SIPA1L1: variants seen among roughly 807,000 people sequenced by gnomAD.
The protein encoded by SIPA1L1 is signal-induced proliferation-associated 1-like protein 1.
SIPA1L1 carries 26 observed loss-of-function variants against 162.7 expected under a neutral mutation model. That is an observed-to-expected ratio of 0.16 (90% CI 0.12 to 0.22). The LOEUF (loss-of-function observed/expected upper bound fraction) is 0.22. SIPA1L1 is among the 10% of genes least tolerant of loss of function. SIPA1L1 has a pLI of 1.00. For synonymous variants in SIPA1L1, 829 were observed against 837.4 expected (o/e 0.99, Z 0.17); for missense variants, 1,874 against 2,241.0 (o/e 0.84, Z 3.31).
chr14:71,430,411 A>C (rs1371693865), intron 2 of SIPA1L1, among the ~76,000 whole-genome samples: 1 of 152,196 alleles, frequency 6.6e-6, no homozygotes, highest in Non-Finnish European at 1.5e-5. Flanking sequence ...CTTTCTCCAC[A>C]ATAGTTACGT....
At chr14:71,484,683 A>G (rs1278016799) in intron 2 of SIPA1L1, among the ~76,000 whole-genome samples, 1 of 152,196 alleles carries the variant, frequency 6.6e-6, no homozygotes, top group Non-Finnish European at 1.5e-5. Context: ...CAGAAAACTG[A>G]TGTTTATGTA....
chr14:71,559,733 T>G (rs1276905285), intron 4 of SIPA1L1, among the ~76,000 whole-genome samples: 1 of 152,224 alleles, frequency 6.6e-6, no homozygotes, highest in East Asian at 1.9e-4. Context: ...TCTGCATTTT[T>G]TCTACGAAAT....
chr14:71,342,374 T>C (rs1364426705), intron 2 of SIPA1L1, among the ~76,000 whole-genome samples: 1 of 152,220 alleles, frequency 6.6e-6, no homozygotes, highest in East Asian at 1.9e-4. Flanking sequence ...AATGTAGCTC[T>C]GTTTTAAGCT....
At chr14:71,442,170 CTCAAAA>C (rs2044928155) in intron 2 of SIPA1L1, among the ~76,000 whole-genome samples, 1 of 76,488 alleles carries the variant, frequency 1.3e-5, no homozygotes, top group African/African-American at 6.9e-5. Flanking sequence ...AAGACTCTGT[CTCAAAA>C]AAAAAAAAAA....
chr14:71,357,394 T>TTGGTGGTAAGGCCGCC (rs1229496145), intron 2 of SIPA1L1, among the ~76,000 whole-genome samples: 1 of 152,164 alleles, frequency 6.6e-6, no homozygotes, highest in African/African-American at 2.4e-5. Context: ...GTATAACTGG[T>TTGGTGGTAAGGCCGCC]TGGTGGTAAG....
At chr14:71,562,435 T>G (rs2056869007) in intron 4 of SIPA1L1, among the ~76,000 whole-genome samples, 2 of 152,204 alleles carry the variant, frequency 1.3e-5, no homozygotes, top group Non-Finnish European at 2.9e-5. Context: ...TTTTTCATGT[T>G]TTAGTTATAT....
At chr14:71,322,585 T>A (rs751971441) in intron 2 of SIPA1L1, among the ~76,000 whole-genome samples, 6 of 152,208 alleles carry the variant, frequency 3.9e-5, no homozygotes, top group Non-Finnish European at 8.8e-5. Flanking sequence ...AATATTAATA[T>A]TAAAACATTT....
At chr14:71,342,448 G>A (rs2035759926) in intron 2 of SIPA1L1, among the ~76,000 whole-genome samples, 1 of 152,186 alleles carries the variant, frequency 6.6e-6, no homozygotes, top group Non-Finnish European at 1.5e-5. Context: ...CACCAACAGT[G>A]TATAAGAGTC....
intron 2 of SIPA1L1, among the ~76,000 whole-genome samples, chr14:71,406,078 T>C (rs1398921915): frequency 6.6e-6 from 1 of 152,084 alleles, no homozygotes; most frequent in South Asian, 2.1e-4. Context: ...ACAGTGGAGA[T>C]GGAGAGAAGT....
In SIPA1L1 at chr14:71,506,260, C is replaced by G. The variant is rs146192462; in HGVS notation, c.-464-6483C>G. Among the ~76,000 whole-genome samples the G allele has an allele frequency of 4.4e-3, 675 of 152,172 alleles. 7 individuals carry two copies. Among genetic ancestry groups the G allele is most frequent in the African/African-American group, 0.015 (629 of 41,496 alleles). On this transcript the variant is annotated intron_variant, in intron 2 of 23. Transcript: ENST00000381232. ...ATTGTAGTAGAATGTATATTTGTTCCTATAACCTTTTGCTTCTGTTGTATT... is the reference window on the plus strand; with the variant it reads ...ATTGTAGTAGAATGTATATTTGTTCGTATAACCTTTTGCTTCTGTTGTATT...
intron 19 of SIPA1L1, among the ~76,000 whole-genome samples, chr14:71,726,595 T>C (rs1347214440): frequency 1.3e-5 from 2 of 152,258 alleles, no homozygotes; most frequent in African/African-American, 4.8e-5. Context: ...TGAATTACTT[T>C]AGCATTCCTA....
At position 71,670,872 on chromosome 14, in the gene SIPA1L1, T is replaced by C. The variant is rs565977416; in HGVS notation, c.2256-247T>C. Among the ~76,000 whole-genome samples the C allele has an allele frequency of 4.6e-5, 7 of 152,208 alleles. No homozygotes were observed. The South Asian group carries it at 1.5e-3, about 32-fold the overall frequency. On this transcript the variant is annotated intron_variant, in intron 10 of 23. Transcript: ENST00000381232. ...TGTCTGGTAAAAAAAAAGTTAATAG[T>C]GTTAGCTTTTGGGATTTTGGGAGGT...
intron 2 of SIPA1L1, among the ~76,000 whole-genome samples, chr14:71,458,583 T>C (rs1217496469): frequency 6.6e-6 from 1 of 152,208 alleles, no homozygotes; most frequent in African/African-American, 2.4e-5. Context: ...AGATATTATA[T>C]AATAAGAAGT....
Position 71,510,449 on chromosome 14 carries a change from A to C in SIPA1L1, c.-464-2294A>C, listed in dbSNP as rs774883815. Among the ~76,000 whole-genome samples the C allele has an allele frequency of 1.1e-3, 171 of 152,178 alleles. 1 individual carries two copies. The highest frequency in any genetic ancestry group is 1.8e-3 in the Non-Finnish European group (120 of 68,004). On this transcript the variant is annotated intron_variant, in intron 2 of 23. Transcript: ENST00000381232. ...GTGATCCACCCAGGTCGGCCTCCCA[A>C]AATGCTGGGATTACAGGTGCGAGCC...
chr14:71,690,196 G>A (rs2081156524), intron 13 of SIPA1L1, among the ~76,000 whole-genome samples: 1 of 152,054 alleles, frequency 6.6e-6, no homozygotes, highest in African/African-American at 2.4e-5. Flanking sequence ...AACTTCACTG[G>A]GAATGCTCCA....
At chr14:71,556,781 A>G (rs1249616429) in intron 4 of SIPA1L1, among the ~76,000 whole-genome samples, 1 of 152,166 alleles carries the variant, frequency 6.6e-6, no homozygotes, top group Non-Finnish European at 1.5e-5. Context: ...GTTTTATTAC[A>G]TGGCCTGGTT....
At chr14:71,653,557 C>T (rs148709297) in intron 8 of SIPA1L1, among the ~76,000 whole-genome samples, 46 of 152,308 alleles carry the variant, frequency 3.0e-4, no homozygotes, top group African/African-American at 1.1e-3. Context: ...AACTGTCCCA[C>T]AAGTACCTCT....
intron 2 of SIPA1L1, among the ~76,000 whole-genome samples, chr14:71,475,201 A>C (rs923455611): frequency 1.3e-5 from 2 of 152,264 alleles, no homozygotes; most frequent in Admixed American, 6.5e-5. Flanking sequence ...ACCAGTCTTT[A>C]AAGAATGCTA....
At chr14:71,326,131 T>C (rs1220528472) in intron 2 of SIPA1L1, among the ~76,000 whole-genome samples, 10 of 152,232 alleles carry the variant, frequency 6.6e-5, no homozygotes, top group Admixed American at 6.5e-4. Flanking sequence ...CTTTTCTCTT[T>C]CTACTTTTTC....
Sources: allele counts gnomAD v4.1 joint callset (sites outside exome capture counted in the v4.1 genomes callset), GRCh38; gene constraint gnomAD v4.1.1; transcripts MANE v1.5; gene names NCBI Gene and HGNC (gene_info 2026-07-23, HGNC 2026-07-21).